NRG3: variants seen among roughly 807,000 people sequenced by gnomAD.
NRG3 encodes the protein neuregulin 3, also known as pro-neuregulin-3, membrane-bound isoform.
NRG3 carries 31 observed loss-of-function variants against 66.9 expected under a neutral mutation model. The observed-to-expected ratio is 0.46, with a 90% CI of 0.35 to 0.63. The LOEUF (loss-of-function observed/expected upper bound fraction) is 0.63. Ranked by LOEUF, NRG3 falls within the 20% of genes least tolerant of loss-of-function variation. NRG3 has a pLI of 0.00. For missense variants in NRG3, 910 were observed against 878.9 expected, an observed-to-expected ratio of 1.04 and a Z score of -0.45; for synonymous variants, 393 against 359.4, an observed-to-expected ratio of 1.09 and a Z score of -1.06.
At chr10:82,124,227 A>G (rs1436694300) in intron 1 of NRG3, among the ~76,000 whole-genome samples, 1 of 151,992 alleles carries the variant, frequency 6.6e-6, no homozygotes, top group Non-Finnish European at 1.5e-5. Flanking sequence ...TTTCGAACTG[A>G]TGAATCCTGT....
intron 1 of NRG3, among the ~76,000 whole-genome samples, chr10:82,322,191 G>A (rs905715786): frequency 1.3e-5 from 2 of 152,162 alleles, no homozygotes; most frequent in South Asian, 2.1e-4. Flanking sequence ...TGCCTATGTT[G>A]TGAAAATGAG....
chr10:82,889,258 A>G (rs1227166086), intron 4 of NRG3, among the ~76,000 whole-genome samples: 1 of 152,134 alleles, frequency 6.6e-6, no homozygotes, highest in Non-Finnish European at 1.5e-5. Context: ...CGGATTCTGA[A>G]TCTATACTGA....
At chr10:82,396,538 A>G (rs1407239213) in intron 2 of NRG3, among the ~76,000 whole-genome samples, 1 of 152,196 alleles carries the variant, frequency 6.6e-6, no homozygotes, top group African/African-American at 2.4e-5. Flanking sequence ...CTTGCCGTCT[A>G]CTCATGAACA....
chr10:82,722,362 A>G (rs879297198), intron 2 of NRG3, among the ~76,000 whole-genome samples: 3 of 152,190 alleles, frequency 2.0e-5, no homozygotes, highest in Non-Finnish European at 4.4e-5. Flanking sequence ...GATACGCTAT[A>G]ATATTGAGCG....
At chr10:82,939,524 TG>T (rs1848397209) in intron 4 of NRG3, among the ~76,000 whole-genome samples, 1 of 152,028 alleles carries the variant, frequency 6.6e-6, no homozygotes, top group Non-Finnish European at 1.5e-5. Flanking sequence ...CAGGCTGGAG[TG>T]CAGTGGTGCA....
rs1198384267 is a variant in NRG3 at position 81,914,693 on chromosome 10, A to G, written c.823+38530A>G. ...ATTGCTTAAACTCAGGAGTTCAAGGATGCAGTGAACTGTGATCATGTCACT... is the reference window on the plus strand; with the variant it reads ...ATTGCTTAAACTCAGGAGTTCAAGGGTGCAGTGAACTGTGATCATGTCACT... On this transcript the variant is annotated intron_variant, in intron 1 of 8. Coordinates refer to ENST00000372141, the MANE Select transcript of NRG3 (RefSeq NM_001010848.4). 3.4e-5 allele frequency among the ~76,000 whole-genome samples: 5 copies of G among 148,628 alleles called. No individual in the cohort carries two copies. The East Asian group carries it at 1.1e-3, about 31-fold the overall frequency.
intron 1 of NRG3, among the ~76,000 whole-genome samples, chr10:82,091,729 C>T (rs2066037277): frequency 6.6e-6 from 1 of 152,190 alleles, no homozygotes; most frequent in Non-Finnish European, 1.5e-5. Flanking sequence ...TTTTGAGGAA[C>T]TACCATGCTG....
intron 3 of NRG3, among the ~76,000 whole-genome samples, chr10:82,750,867 A>T (rs996923454): frequency 6.6e-6 from 1 of 152,104 alleles, no homozygotes; most frequent in African/African-American, 2.4e-5. Context: ...TCCATCATTT[A>T]TTGAAATTAA....
chr10:82,351,607 A>G (rs1462165532), intron 1 of NRG3, among the ~76,000 whole-genome samples: 6 of 152,174 alleles, frequency 3.9e-5, no homozygotes, highest in African/African-American at 4.8e-5. Flanking sequence ...ACAAATGGCC[A>G]TGTTCTTTCC....
At chr10:82,031,013 G>A (rs550746519) in intron 1 of NRG3, among the ~76,000 whole-genome samples, 255 of 152,234 alleles carry the variant, frequency 1.7e-3, no homozygotes, top group African/African-American at 5.8e-3. Flanking sequence ...AGATATTCAA[G>A]TATTAAATAA....
chr10:82,279,126 A>G (rs1466836931), intron 1 of NRG3, among the ~76,000 whole-genome samples: 1 of 152,182 alleles, frequency 6.6e-6, no homozygotes, highest in Admixed American at 6.6e-5. Flanking sequence ...AGAAGGTCTC[A>G]TAAATAGTCA....
intron 2 of NRG3, among the ~76,000 whole-genome samples, chr10:82,494,861 T>C (rs1843471168): frequency 6.6e-6 from 1 of 152,132 alleles, no homozygotes; most frequent in Non-Finnish European, 1.5e-5. Context: ...TATATGCATG[T>C]GAGACATTGG....
chr10:81,917,542 G>T (rs541443783), intron 1 of NRG3, among the ~76,000 whole-genome samples: 8 of 152,164 alleles, frequency 5.3e-5, no homozygotes, highest in African/African-American at 1.2e-4. Flanking sequence ...ATTACCTTGA[G>T]AGTAGGTAAA....
rs1843271199 is a variant in NRG3 at position 82,892,691 on chromosome 10, A to ATAAC, written c.1054+27257_1054+27258insCTAA. Among the ~76,000 whole-genome samples the ATAAC allele has an allele frequency of 2.1e-5, 3 of 145,412 alleles. No individual in the cohort carries two copies. The South Asian group carries it at 6.3e-4, about 31-fold the overall frequency. The stretch of plus-strand genomic sequence containing the variant: ...AATAAATAAATAAATAAATAAATAA[A>ATAAC]TAAATAAATAAATAAAAGTTAAAAA... On this transcript the variant is annotated intron_variant, in intron 4 of 8. Transcript: ENST00000372141.
At chr10:82,956,417 T>C (rs1365124075) in intron 5 of NRG3, among the ~76,000 whole-genome samples, 1 of 151,670 alleles carries the variant, frequency 6.6e-6, no homozygotes, top group East Asian at 1.9e-4. Context: ...AGCAAAAAAG[T>C]GTGTGCTTGT....
intron 2 of NRG3, among the ~76,000 whole-genome samples, chr10:82,401,895 C>T (rs1022838633): frequency 1.3e-5 from 2 of 151,734 alleles, no homozygotes; most frequent in African/African-American, 4.8e-5. Flanking sequence ...TATGAGAGCA[C>T]CTAGAAGTTT....
intron 2 of NRG3, among the ~76,000 whole-genome samples, chr10:82,381,324 T>G (rs2085604760): frequency 6.6e-6 from 1 of 152,190 alleles, no homozygotes. Flanking sequence ...ACGACAACAT[T>G]ACAGAGATAA....
chr10:81,955,525 A>C (rs1849746375), intron 1 of NRG3, among the ~76,000 whole-genome samples: 1 of 152,170 alleles, frequency 6.6e-6, no homozygotes. Flanking sequence ...AATTCAATCA[A>C]ATGTCCTGTC....
At chr10:82,923,419 A>G (rs1846646130) in intron 4 of NRG3, among the ~76,000 whole-genome samples, 1 of 152,172 alleles carries the variant, frequency 6.6e-6, no homozygotes, top group Non-Finnish European at 1.5e-5. Context: ...TACTTATTAT[A>G]GGTTCCCACA....
Sources: allele counts gnomAD v4.1 joint callset (sites outside exome capture counted in the v4.1 genomes callset), GRCh38; gene constraint gnomAD v4.1.1; transcripts MANE v1.5; gene names NCBI Gene and HGNC (gene_info 2026-07-23, HGNC 2026-07-21).